Variants in HCRTR2 observed in about 807,000 individuals in gnomAD.
HCRTR2 encodes the protein orexin receptor type 2.
In HCRTR2, 22 loss-of-function variants were observed where a neutral mutation model predicts 49.0. The ratio of observed to expected loss-of-function variants is 0.45; its 90% CI spans 0.32 to 0.64. The LOEUF is 0.64. HCRTR2 is among the 30% of genes least tolerant of loss of function. The pLI, the probability that HCRTR2 is intolerant of heterozygous loss-of-function variation, is 0.04. For missense variants in HCRTR2, 491 were observed against 559.4 expected (o/e 0.88, Z 1.23); for synonymous variants, 236 against 205.3 (o/e 1.15, Z -1.28).
intron 1 of HCRTR2, among the ~76,000 whole-genome samples, chr6:55,195,040 A>G (rs1440119171): frequency 6.6e-6 from 1 of 152,148 alleles, no homozygotes; most frequent in Admixed American, 6.5e-5. Flanking sequence ...TTCCAGTAAA[A>G]TGATCACCAA....
At chr6:55,152,040 G>T (rs1405486366) in intron 1 of HCRTR2, among the ~76,000 whole-genome samples, 1 of 151,860 alleles carries the variant, frequency 6.6e-6, no homozygotes, top group Admixed American at 6.6e-5. Context: ...TGCCATCCAG[G>T]CTCTGTTGTT....
intron 1 of HCRTR2, among the ~76,000 whole-genome samples, chr6:55,244,919 G>A (rs757358166): frequency 7.9e-5 from 12 of 151,928 alleles, no homozygotes; most frequent in Non-Finnish European, 1.3e-4. Context: ...TGAGTAAGGC[G>A]TCCTTCCCCA....
chr6:55,253,194 G>GCA (rs34614654), intron 2 of HCRTR2, among the ~76,000 whole-genome samples: 4,506 of 148,728 alleles, frequency 0.03, 122 homozygotes, highest in African/African-American at 0.075. Flanking sequence ...ACTTCATTTA[G>GCA]CACACACACA....
chr6:55,125,257 T>C (rs1471934496), intron 1 of HCRTR2, among the ~76,000 whole-genome samples: 2 of 152,336 alleles, frequency 1.3e-5, no homozygotes, highest in Non-Finnish European at 2.9e-5. Flanking sequence ...GTACCAGTTG[T>C]TTCTTTCTAT....
chr6:55,121,513 T>G (rs986515578), intron 1 of HCRTR2, among the ~76,000 whole-genome samples: 19 of 152,116 alleles, frequency 1.2e-4, no homozygotes, highest in Admixed American at 4.6e-4. Flanking sequence ...AACACTATGT[T>G]GAGAGAGGGC....
chr6:55,233,320 A>G (rs1766152447), intron 1 of HCRTR2, among the ~76,000 whole-genome samples: 1 of 152,008 alleles, frequency 6.6e-6, no homozygotes. Context: ...CAAACTCCTG[A>G]CCTCAGGTGA....
At chr6:55,159,771 G>A (rs925702037) in intron 1 of HCRTR2, among the ~76,000 whole-genome samples, 1 of 152,174 alleles carries the variant, frequency 6.6e-6, no homozygotes, top group Admixed American at 6.5e-5. Flanking sequence ...AATAAAGTGT[G>A]AAGACCAGAT....
At chr6:55,281,434 T>A (rs975783040) in intron 6 of HCRTR2, among the ~76,000 whole-genome samples, 1 of 152,188 alleles carries the variant, frequency 6.6e-6, no homozygotes, top group African/African-American at 2.4e-5. Flanking sequence ...AAAGTCCTAG[T>A]ATGGAGGATA....
chr6:55,230,255 C>T (rs73437091), intron 1 of HCRTR2, among the ~76,000 whole-genome samples: 3,220 of 152,208 alleles, frequency 0.021, 116 homozygotes, highest in African/African-American at 0.072. Flanking sequence ...TAATAAACTG[C>T]TAAGATTTGA....
intron 1 of HCRTR2, among the ~76,000 whole-genome samples, chr6:55,125,284 A>G (rs1315387617): frequency 6.6e-6 from 1 of 152,138 alleles, no homozygotes; most frequent in Non-Finnish European, 1.5e-5. Context: ...CGCTTCCTTC[A>G]GGAGCTCTTG....
intron 1 of HCRTR2, among the ~76,000 whole-genome samples, chr6:55,227,559 T>A (rs1270304653): frequency 6.6e-6 from 1 of 152,244 alleles, no homozygotes; most frequent in Non-Finnish European, 1.5e-5. Flanking sequence ...ATTATTCCTG[T>A]GTATTACATA....
intron 1 of HCRTR2, among the ~76,000 whole-genome samples, chr6:55,197,219 C>T (rs542321382): frequency 3.3e-5 from 5 of 152,222 alleles, no homozygotes; most frequent in African/African-American, 7.2e-5. Context: ...TAACATTAAC[C>T]ACAAACCTAC....
chr6:55,116,768 A>C (rs188000748), intron 1 of HCRTR2, among the ~76,000 whole-genome samples: 1 of 151,158 alleles, frequency 6.6e-6, no homozygotes, highest in African/African-American at 2.4e-5. Flanking sequence ...CCTCTCCTCA[A>C]AGGTCATAAT....
At chr6:55,168,253 C>A (rs1320502419) in intron 1 of HCRTR2, among the ~76,000 whole-genome samples, 1 of 152,154 alleles carries the variant, frequency 6.6e-6, no homozygotes, top group Non-Finnish European at 1.5e-5. Flanking sequence ...AAGAGTATAA[C>A]AAGTTCCCCT....
At chr6:55,118,547 AC>A (rs1764151055) in intron 1 of HCRTR2, among the ~76,000 whole-genome samples, 1 of 151,786 alleles carries the variant, frequency 6.6e-6, no homozygotes, top group Admixed American at 6.6e-5. Flanking sequence ...TTTCTCCACA[AC>A]CGTGCCAGCA....
chr6:55,164,771 T>TAAA (rs34910792), intron 1 of HCRTR2, among the ~76,000 whole-genome samples: 1 of 148,466 alleles, frequency 6.7e-6, no homozygotes, highest in Non-Finnish European at 1.5e-5. Flanking sequence ...CTTAAAGTAT[T>TAAA]AAAAAAAAAA....
At chr6:55,108,890 G>C (rs560676948) in intron 1 of HCRTR2, among the ~76,000 whole-genome samples, 35 of 152,144 alleles carry the variant, frequency 2.3e-4, no homozygotes, top group Non-Finnish European at 3.1e-4. Context: ...AATCCTGCTT[G>C]TTTTCTCAGC....
At chr6:55,109,052 T>A (rs140092715) in intron 1 of HCRTR2, among the ~76,000 whole-genome samples, 164 of 152,182 alleles carry the variant, frequency 1.1e-3, no homozygotes, top group African/African-American at 3.5e-3. Context: ...CTGAGGGACC[T>A]GAAGATTGAT....
chr6:55,258,440 C>A (rs1393257007), intron 3 of HCRTR2, among the ~76,000 whole-genome samples: 1 of 151,960 alleles, frequency 6.6e-6, no homozygotes, highest in Admixed American at 6.6e-5. Context: ...TAACTGAGAA[C>A]TCTGTCTAAC....
Sources: allele counts gnomAD v4.1 joint callset (sites outside exome capture counted in the v4.1 genomes callset), GRCh38; gene constraint gnomAD v4.1.1; transcripts MANE v1.5; gene names NCBI Gene and HGNC (gene_info 2026-07-23, HGNC 2026-07-21).